Variants in GART observed in about 807,000 individuals in gnomAD.
GART encodes trifunctional purine biosynthetic protein adenosine-3.
A neutral mutation model predicts 107.2 loss-of-function variants in GART; 43 were observed. That is an observed-to-expected ratio of 0.40 (90% CI 0.31 to 0.52). The LOEUF (loss-of-function observed/expected upper bound fraction) is 0.52, where lower values mean the gene tolerates loss of function less well. GART is among the 20% of genes least tolerant of loss of function. The probability of loss-of-function intolerance (pLI) is 0.52; values close to 1 mark genes in which losing one functional copy is unlikely to be tolerated. For missense variants in GART, 1,107 were observed against 1,206.5 expected, an observed-to-expected ratio of 0.92 and a Z score of 1.22; for synonymous variants, 434 against 427.0, an observed-to-expected ratio of 1.02 and a Z score of -0.20.
chr21:33,531,697 G>C (rs2085194194), intron 5 of GART, 140 bp from the exon 6 acceptor site: 2 of 683,332 alleles, frequency 2.9e-6, no homozygotes, highest in African/African-American at 1.8e-5. Flanking sequence ...CTTTCAGAAA[G>C]ACTCAAAGGG....
At chr21:33,529,560 C>T (rs770036031) in intron 7 of GART, 1 of 148,318 alleles carries the variant, frequency 6.7e-6, no homozygotes, top group Non-Finnish European at 1.5e-5. Context: ...TCAAGTGATT[C>T]TCTTACCTTA....
chr21:33,530,665 A>G, intron 7 of GART, 94 bp downstream of exon 7: 1 of 1,232,398 alleles, frequency 8.1e-7, no homozygotes, highest in Non-Finnish European at 1.1e-6. Flanking sequence ...AGCAACAAAC[A>G]AACAGAAAAC....
chr21:33,539,110 T>C (rs2085358940), intron 2 of GART, 61 bp downstream of exon 2: 1 of 1,493,606 alleles, frequency 6.7e-7, no homozygotes. Flanking sequence ...ACAGATATGG[T>C]TGACAGCATA....
intron 16 of GART, among the ~76,000 whole-genome samples, chr21:33,513,340 G>A (rs1027654619): frequency 6.6e-6 from 1 of 152,074 alleles, no homozygotes; most frequent in African/African-American, 2.4e-5. Context: ...AGGAGGCCGA[G>A]GCCCGCAGAT....
intron 16 of GART, among the ~76,000 whole-genome samples, chr21:33,512,657 C>A (rs549594746): frequency 6.6e-6 from 1 of 151,962 alleles, no homozygotes; most frequent in African/African-American, 2.4e-5. Context: ...GGCATGAACA[C>A]GGCTCACTGT....
intron 1 of GART, among the ~76,000 whole-genome samples, chr21:33,540,799 A>AT (rs1439116992): frequency 1.3e-5 from 2 of 152,218 alleles, no homozygotes; most frequent in African/African-American, 2.4e-5. Context: ...CAAAACTAAC[A>AT]TTTTTTTGAG....
intron 16 of GART, among the ~76,000 whole-genome samples, chr21:33,515,652 C>CAAAAAAAAAAAAAAAAAAAAAAAACAAA (rs71194850): frequency 2.8e-5 from 1 of 35,878 alleles, no homozygotes; most frequent in Non-Finnish European, 4.8e-5. Context: ...GACTCCAACT[C>CAAAAAAAAAAAAAAAAAAAAAAAACAAA]AAAAAAAAAA....
At position 33,504,521 on chromosome 21, in the gene GART, A is replaced by AT; in HGVS notation, c.2731dup (p.Met911AsnfsTer13). On this transcript the variant is annotated frameshift_variant, in exon 21 of 22. Transcript: ENST00000381815. LOFTEE classifies it high-confidence loss of function. Reference sequence around the variant, plus strand: ...GAGCAAGGATGGGTGGATATTGAGCATTTTTCCTAAAAATTAAAAAAAGCA... The same window carrying AT: ...GAGCAAGGATGGGTGGATATTGAGCATTTTTTCCTAAAAATTAAAAAAAGCA... The AT allele has an allele frequency of 6.2e-7, 1 of 1,606,564 alleles. No homozygotes were observed. Among genetic ancestry groups the AT allele is most frequent in the Non-Finnish European group, 8.5e-7 (1 of 1,174,540 alleles).
In GART at chr21:33,505,643, G is replaced by C. The variant is rs1201665011; in HGVS notation, c.2643C>G (p.Val881=). Residue 881 remains valine (V), a synonymous_variant, in exon 20 of 22, where the codon GTC becomes GTG. Transcript: ENST00000381815. ...CTATGTCTATGGAGAACTCTTCAAG[G>C]ACTAGGTCAATTGCACTGTCAAATT... ...RVEFDSAIDL[V]LEEFSIDIVC... is the part of the protein sequence containing the mutation. 1.9e-6 allele frequency: 3 copies of C among 1,612,132 alleles called. No individual in the cohort carries two copies. The South Asian group carries it at 3.3e-5, about 18-fold the overall frequency.
At chr21:33,526,133 T>C (rs1169484886) in intron 10 of GART, among the ~76,000 whole-genome samples, 1 of 151,840 alleles carries the variant, frequency 6.6e-6, no homozygotes, top group Non-Finnish European at 1.5e-5. Context: ...CCTCCCAAAG[T>C]GCTGGGATTA....
At chr21:33,508,862 A>G (rs2084733187) in intron 18 of GART, among the ~76,000 whole-genome samples, 1 of 151,934 alleles carries the variant, frequency 6.6e-6, no homozygotes, top group Non-Finnish European at 1.5e-5. Context: ...TTTAGCTCCC[A>G]CTCATAAGTG....
intron 10 of GART, 29 bp downstream of exon 10, chr21:33,528,138 A>T: frequency 6.2e-7 from 1 of 1,608,424 alleles, no homozygotes; most frequent in African/African-American, 1.3e-5. Context: ...GTCACGTTGT[A>T]CTCCAACCTC....
At chr21:33,521,492 C>T (rs1268394095) in intron 12 of GART, among the ~76,000 whole-genome samples, 2 of 151,774 alleles carry the variant, frequency 1.3e-5, no homozygotes, top group East Asian at 1.9e-4. Context: ...ATTAGCTGGG[C>T]GTGGTGGCGG....
At chr21:33,540,823 G>C (rs921097697) in intron 1 of GART, among the ~76,000 whole-genome samples, 1 of 152,138 alleles carries the variant, frequency 6.6e-6, no homozygotes, top group African/African-American at 2.4e-5. Flanking sequence ...TTAACCTTGG[G>C]CAGGGTACTA....
intron 16 of GART, among the ~76,000 whole-genome samples, chr21:33,511,861 A>C (rs2084791023): frequency 6.6e-6 from 1 of 152,196 alleles, no homozygotes; most frequent in Admixed American, 6.5e-5. Context: ...GCTTATCTAC[A>C]TATTTAGAGA....
At chr21:33,513,812 GAC>G (rs2084831830) in intron 16 of GART, among the ~76,000 whole-genome samples, 1 of 152,206 alleles carries the variant, frequency 6.6e-6, no homozygotes, top group Non-Finnish European at 1.5e-5. Context: ...AGATAGTGAT[GAC>G]ATATTTAATG....
At chr21:33,520,719 C>A in intron 13 of GART, 157 bp from the exon 14 acceptor site, 1 of 706,652 alleles carries the variant, frequency 1.4e-6, no homozygotes, top group Non-Finnish European at 2.3e-6. Context: ...TCTAAAGTAC[C>A]CTTCCATCCA....
intron 11 of GART, chr21:33,524,557 C>A: frequency 8.0e-7 from 1 of 1,257,150 alleles, no homozygotes; most frequent in Non-Finnish European, 1.0e-6. Flanking sequence ...TGTGATTTTG[C>A]TAAACTTTCC....
rs780219126 is a variant in GART at position 33,504,145 on chromosome 21, G to T, written c.3012C>A (p.Ile1004=). 3.7e-6 allele frequency: 6 copies of T among 1,613,292 alleles called. No individual in the cohort carries two copies. The African/African-American group carries it at 5.3e-5, about 14-fold the overall frequency. ...GGCTTCATTCCTCTTTAACCCAACA[G>T]ATCTTGCCATTTTCTCCAAGCTGTA... ...GTVQLGENGK[I]CWVKEE is the part of the protein sequence containing the mutation. The change falls in exon 22 of 22, where the codon ATC becomes ATA. Residue 1004 remains isoleucine (I), a synonymous_variant. Transcript: ENST00000381815.
Sources: allele counts gnomAD v4.1 joint callset (sites outside exome capture counted in the v4.1 genomes callset), GRCh38; gene constraint gnomAD v4.1.1; transcripts MANE v1.5; gene names NCBI Gene and HGNC (gene_info 2026-07-23, HGNC 2026-07-21).